The following MST1R variants were observed in gnomAD, a reference collection of about 807,000 sequenced individuals.
MST1R encodes macrophage stimulating 1 receptor.
Under a neutral mutation model 117.8 loss-of-function variants are expected in MST1R, and 99 were observed. The observed-to-expected ratio is 0.84, with a 90% CI of 0.71 to 0.99. The LOEUF is 0.99. Among genes scored for constraint, MST1R ranks in the 50% least tolerant of loss-of-function variants. The pLI is 0.00. For missense variants in MST1R, 1,683 were observed against 1,840.2 expected (o/e 0.91, Z 1.56); for synonymous variants, 734 against 765.3 (o/e 0.96, Z 0.68).
chr3:49,890,473 G>A lies in MST1R; in HGVS notation c.3810+12C>T. On this transcript the variant is annotated intron_variant, in intron 18 of 19. Coordinates refer to ENST00000296474, the MANE Select transcript of MST1R (RefSeq NM_002447.4). ...CAAAGCCATGTGGACTGTAGGGCAG[G>A]TGGGGCCTCACCACATCAGACTTGG... is the stretch of plus-strand genomic sequence containing the variant. The A allele has an allele frequency of 6.2e-7, 1 of 1,607,166 alleles. No individual in the cohort carries two copies. The highest frequency in any genetic ancestry group is 8.5e-7 in the Non-Finnish European group (1 of 1,175,496).
At position 49,902,557 on chromosome 3, in the gene MST1R, C is replaced by A; in HGVS notation, c.1053G>T (p.Val351=). Residue 351 remains valine (V), a synonymous_variant, in exon 1 of 20, where the codon GTG becomes GTT. Coordinates refer to ENST00000296474, the MANE Select transcript of MST1R (RefSeq NM_002447.4). The part of the protein sequence containing the change: ...EGQEVLFGVF[V]TGKDGGPGVG... ...CGCCAGGACCACCATCCTTGCCAGT[C>A]ACAAAGACCCCAAATAGTACTTCCT... 1 of 1,613,986 alleles carries A rather than the reference C, an allele frequency of 6.2e-7. No homozygotes were observed. Among genetic ancestry groups the A allele is most frequent in the Non-Finnish European group, 8.5e-7 (1 of 1,180,050 alleles).
At position 49,903,403 on chromosome 3, in the gene MST1R, A is replaced by C. The variant is rs1345916987; in HGVS notation, c.207T>G (p.Ala69=). ...VTYEGDRNES[A]VFVAIRNRLH... Reference sequence around the variant, plus strand: ...GGCGATTGCGTATGGCTACAAACACAGCACTCTCATTTCTGTCGCCCTCGT... The same window carrying C: ...GGCGATTGCGTATGGCTACAAACACCGCACTCTCATTTCTGTCGCCCTCGT... The change falls in exon 1 of 20, where the codon GCT becomes GCG. Residue 69 remains alanine, a synonymous_variant. Transcript: ENST00000296474. 2.5e-6 allele frequency: 4 copies of C among 1,614,022 alleles called. No homozygotes were observed. In the Admixed American group the frequency reaches 6.7e-5, roughly 27 times the overall value.
rs375565443 is a variant in MST1R at position 49,896,060 on chromosome 3, G to A, written c.2697C>T (p.Thr899=). Residue 899 remains threonine, a synonymous_variant, in exon 11 of 20, where the codon ACC becomes ACT. Coordinates refer to ENST00000296474, the MANE Select transcript of MST1R (RefSeq NM_002447.4). ...AVADCVGINV[T]VGGESCQHEF... is the part of the protein sequence containing the mutation. ...CGTGCTGGCAGCTCTCACCACCCAC[G>A]GTCACGTTGATACCCACACAGTCAG... is the stretch of plus-strand genomic sequence containing the variant. 22 of 1,610,878 alleles carry A rather than the reference G, an allele frequency of 1.4e-5. No individual in the cohort carries two copies. Among genetic ancestry groups the A allele is most frequent in the Non-Finnish European group, 1.7e-5 (20 of 1,178,354 alleles).
chr3:49,897,399 T>C lies in MST1R; in HGVS notation c.2064A>G (p.Ala688=), dbSNP rs778596599. ...GFSFMEPVLI[A]VQPLFGPRAG... is the part of the protein sequence containing the mutation. ...CCCGTGGGCCAAAGAGGGGTTGCAC[T>C]GCTATCAGCACTGGCTCCTAAGAGG... Residue 688 remains alanine (A), a synonymous_variant, in exon 7 of 20, where the codon GCA becomes GCG. Transcript: ENST00000296474. 1.2e-6 allele frequency: 2 copies of C among 1,613,504 alleles called. No individual in the cohort carries two copies. Among genetic ancestry groups the C allele is most frequent in the East Asian group, 4.5e-5 (2 of 44,900 alleles).
chr3:49,897,405 C>A lies in MST1R; in HGVS notation c.2058G>T (p.Leu686=). 6.2e-7 allele frequency: 1 copy of A among 1,613,550 alleles called. No individual in the cohort carries two copies. The change falls in exon 7 of 20, where the codon CTG becomes CTT. Residue 686 remains leucine (L), a synonymous_variant. Coordinates refer to ENST00000296474, the MANE Select transcript of MST1R (RefSeq NM_002447.4). ...LRGFSFMEPV[L]IAVQPLFGPR... ...GGCCAAAGAGGGGTTGCACTGCTAT[C>A]AGCACTGGCTCCTAAGAGGACATAG...
At position 49,896,832 on chromosome 3, in the gene MST1R, G is replaced by A. The variant is rs1187527916; in HGVS notation, c.2242C>T (p.Pro748Ser). Residue 748 changes from proline to serine, a missense_variant, in exon 8 of 20, where the codon CCC (proline) becomes TCC (serine). Coordinates refer to ENST00000296474, the MANE Select transcript of MST1R (RefSeq NM_002447.4). The stretch of plus-strand genomic sequence containing the variant: ...GCACCCCCCACCTGCAGGCTAAGGG[G>A]GACACTGGCCACCGTGGCCCCAGGG... ...TPPGATVASV[P>S]LSLQVGGAQV... 1 of 1,556,196 alleles carries A rather than the reference G, an allele frequency of 6.4e-7. No individual in the cohort carries two copies. Among genetic ancestry groups the A allele is most frequent in the Non-Finnish European group, 8.7e-7 (1 of 1,149,122 alleles).
chr3:49,888,703 G>A (rs575840503), intron 19 of MST1R, among the ~76,000 whole-genome samples: 4 of 152,264 alleles, frequency 2.6e-5, no homozygotes, highest in East Asian at 1.9e-4. Flanking sequence ...CTGGGTCCTA[G>A]TGCCTGCCCC....
chr3:49,891,130 G>T, intron 17 of MST1R, 67 bp downstream of exon 17: 2 of 1,413,180 alleles, frequency 1.4e-6, no homozygotes, highest in Admixed American at 1.7e-5. Context: ...TCCCTGAGGC[G>T]GCCTTGAGCA....
Position 49,902,815 on chromosome 3 carries a change from C to T in MST1R, c.795G>A (p.Gln265=). 1 of 1,613,848 alleles carries T rather than the reference C, an allele frequency of 6.2e-7. No individual in the cohort carries two copies. The highest frequency in any genetic ancestry group is 8.5e-7 in the Non-Finnish European group (1 of 1,180,046). ...TGAFVYFLTV[Q]PASVTDDPSA... is the part of the protein sequence containing the mutation. ...TAGGATCATCTGTCACGCTGGCCGGCTGTACAGTCAGGAAGTATACGAAGG... is the reference window on the plus strand; with the variant it reads ...TAGGATCATCTGTCACGCTGGCCGGTTGTACAGTCAGGAAGTATACGAAGG... Residue 265 remains glutamine, a synonymous_variant, in exon 1 of 20, where the codon CAG becomes CAA. Transcript: ENST00000296474.
In MST1R at chr3:49,903,418, G is replaced by T. The variant is rs1262309827; in HGVS notation, c.192C>A (p.Asp64Glu). Residue 64 changes from aspartate (D) to glutamate (E), a missense_variant, in exon 1 of 20, where the codon GAC (aspartate) becomes GAA (glutamate). By Grantham distance (45) the Asp-to-Glu change is conservative. Transcript: ENST00000296474. ...CTACAAACACAGCACTCTCATTTCT[G>T]TCGCCCTCGTAGGTCACCATGGCCT... Reference protein sequence around the residue: ...LVQAMVTYEGDRNESAVFVAI... With the variant: ...LVQAMVTYEGERNESAVFVAI... The T allele has an allele frequency of 6.2e-7, 1 of 1,613,790 alleles. No homozygotes were observed. Among genetic ancestry groups the T allele is most frequent in the African/African-American group, 1.3e-5 (1 of 74,948 alleles).
chr3:49,899,202 C>T lies in MST1R; in HGVS notation c.1292G>A (p.Ser431Asn). ...GAATAGGTCCACACGTGAGAAGCTG[C>T]TACTGACCAGCAGAGGGAAGTGGCG... is the stretch of plus-strand genomic sequence containing the variant. ...SCRHFPLLVS[S>N]SFSRVDLFNG... Residue 431 changes from serine to asparagine, a missense_variant, in exon 2 of 20, where the codon AGC (serine) becomes AAC (asparagine). Coordinates refer to ENST00000296474, the MANE Select transcript of MST1R (RefSeq NM_002447.4). 1 of 1,614,236 alleles carries T rather than the reference C, an allele frequency of 6.2e-7. No homozygotes were observed. Among genetic ancestry groups the T allele is most frequent in the Non-Finnish European group, 8.5e-7 (1 of 1,180,050 alleles).
Position 49,891,770 on chromosome 3 carries a change from T to C in MST1R, c.3340A>G (p.Lys1114Glu). 6.2e-7 allele frequency: 1 copy of C among 1,614,118 alleles called. No homozygotes were observed. The highest frequency in any genetic ancestry group is 8.5e-7 in the Non-Finnish European group (1 of 1,180,016). ...QAQNRIQCAI[K>E]SLSRITEMQQ... The stretch of plus-strand genomic sequence containing the variant: ...CTGCCCCACTTACGACTTAGTGACT[T>C]GATGGCACATTGGATTCGATTCTGG... Residue 1114 changes from lysine (K) to glutamate (E), a missense_variant, in exon 15 of 20, where the codon AAG becomes GAG. Physicochemically the swap from Lys to Glu is moderately conservative, Grantham distance 56 (BLOSUM62 1). Coordinates refer to ENST00000296474, the MANE Select transcript of MST1R (RefSeq NM_002447.4).
chr3:49,896,510 C>T, intron 9 of MST1R, 30 bp downstream of exon 9: 1 of 1,612,852 alleles, frequency 6.2e-7, no homozygotes, highest in African/African-American at 1.3e-5. Flanking sequence ...CTCATCCAGC[C>T]TTCCTCCCTC....
intron 12 of MST1R, 54 bp from the exon 13 acceptor site, chr3:49,895,602 C>T (rs993434354): frequency 1.2e-6 from 2 of 1,611,962 alleles, no homozygotes; most frequent in Non-Finnish European, 1.7e-6. Context: ...AGGGGCCGAC[C>T]CCTCTGGGGA....
At position 49,902,765 on chromosome 3, in the gene MST1R, C is replaced by T. The variant is rs1200160517; in HGVS notation, c.845G>A (p.Arg282Gln). Residue 282 changes from arginine (R) to glutamine (Q), a missense_variant, in exon 1 of 20, where the codon CGG becomes CAG. Arg to Gln is a conservative substitution (Grantham distance 43). Coordinates refer to ENST00000296474, the MANE Select transcript of MST1R (RefSeq NM_002447.4). ...DPSALHTRLA[R>Q]LSATEPELGD... is the part of the protein sequence containing the mutation. ...CAACTCTGGCTCAGTGGCGCTAAGCCGTGCCAGGCGTGTGTGCAGGGCACT... is the reference window on the plus strand; with the variant it reads ...CAACTCTGGCTCAGTGGCGCTAAGCTGTGCCAGGCGTGTGTGCAGGGCACT... 21 of 1,613,794 alleles carry T rather than the reference C, an allele frequency of 1.3e-5. 1 individual carries two copies. The highest frequency in any genetic ancestry group is 8.8e-5 in the South Asian group (8 of 91,090).
chr3:49,896,824 G>C lies in MST1R; in HGVS notation c.2250C>G (p.Ser750Arg). 1 of 1,557,634 alleles carries C rather than the reference G, an allele frequency of 6.4e-7. No individual in the cohort carries two copies. The highest frequency in any genetic ancestry group is 8.7e-7 in the Non-Finnish European group (1 of 1,149,806). The change falls in exon 8 of 20, where the codon AGC becomes AGG. Residue 750 changes from serine to arginine, a missense_variant. Physicochemically the swap from Ser to Arg is moderately radical, Grantham distance 110 (BLOSUM62 -1). Transcript: ENST00000296474. ...PGATVASVPL[S>R]LQVGGAQVPG... is the part of the protein sequence containing the mutation. ...GTACCTGGGCACCCCCCACCTGCAGGCTAAGGGGGACACTGGCCACCGTGG... is the reference window on the plus strand; with the variant it reads ...GTACCTGGGCACCCCCCACCTGCAGCCTAAGGGGGACACTGGCCACCGTGG...
In MST1R at chr3:49,895,186, AC is replaced by A. The variant is rs2082424815; in HGVS notation, c.3251del (p.Ser1084MetfsTer19). 1 of 1,613,966 alleles carries A rather than the reference AC, an allele frequency of 6.2e-7. No individual in the cohort carries two copies. The highest frequency in any genetic ancestry group is 1.3e-5 in the African/African-American group (1 of 74,906). ...LIPHERVVTH[S>X]DRVIGKGHFG... ...CCACACCTTTGCCAATGACTCGGTC[AC>A]TGTGGGTGACCACCCGCTCATGGGG... On this transcript the variant is annotated frameshift_variant, in exon 14 of 20. Transcript: ENST00000296474. LOFTEE classifies it high-confidence loss of function.
At chr3:49,893,923 A>AAT (rs779313711) in intron 14 of MST1R, among the ~76,000 whole-genome samples, 2,258 of 148,700 alleles carry the variant, frequency 0.015, 24 homozygotes, top group Non-Finnish European at 0.024. Context: ...AATAAAATAA[A>AAT]ATAAAATAGG....
rs2082197747 is a variant in MST1R at position 49,887,491 on chromosome 3, T to TC, written c.4018dup (p.Glu1340GlyfsTer31). ...CAGTGCAGACACTATCTGCTCCACC[T>TC]CCCCCACTAGTACTCTGAAGGTGGG... On this transcript the variant is annotated frameshift_variant, in exon 20 of 20. Transcript: ENST00000296474. LOFTEE classifies it low-confidence loss of function (END_TRUNC). 3.7e-6 allele frequency: 6 copies of TC among 1,614,046 alleles called. No individual in the cohort carries two copies. Among genetic ancestry groups the TC allele is most frequent in the Non-Finnish European group, 5.1e-6 (6 of 1,179,990 alleles).
Sources: allele counts gnomAD v4.1 joint callset (sites outside exome capture counted in the v4.1 genomes callset), GRCh38; gene constraint gnomAD v4.1.1; transcripts MANE v1.5; gene names NCBI Gene and HGNC (gene_info 2026-07-23, HGNC 2026-07-21).